The following TRDN variants were observed in gnomAD, a reference collection of about 807,000 sequenced individuals.
TRDN encodes the protein triadin.
TRDN carries 161 observed loss-of-function variants against 149.7 expected under a neutral mutation model. The ratio of observed to expected loss-of-function variants is 1.08; its 90% confidence interval spans 0.95 to 1.23. The LOEUF (loss-of-function observed/expected upper bound fraction) is 1.23. Among genes scored for constraint, TRDN ranks in the 50% most tolerant of loss-of-function variants. The pLI is 0.00. For missense variants in TRDN, 896 were observed against 823.5 expected (o/e 1.09, Z -1.08); for synonymous variants, 294 against 250.5 (o/e 1.17, Z -1.64).
chr6:123,597,021 G>T (rs1784068963), intron 1 of TRDN, among the ~76,000 whole-genome samples: 1 of 151,944 alleles, frequency 6.6e-6, no homozygotes, highest in African/African-American at 2.4e-5. Flanking sequence ...ATACGTTTTT[G>T]TAAAGCTATA....
intron 9 of TRDN, among the ~76,000 whole-genome samples, chr6:123,483,233 G>A (rs1000264537): frequency 6.6e-6 from 1 of 151,588 alleles, no homozygotes; most frequent in African/African-American, 2.4e-5. Flanking sequence ...CTTCCTAGTA[G>A]CTGGGACTAC....
Position 123,398,162 on chromosome 6 carries a change from G to A in TRDN, c.1052-4485C>T, listed in dbSNP as rs150160907. On this transcript the variant is annotated intron_variant, in intron 12 of 40. Transcript: ENST00000334268. ...CGGGATTACAGGCGTCCGCCACTGC[G>A]CCCAGCTAATTTTTTTCTATTTTCA... 8.0e-3 allele frequency among the ~76,000 whole-genome samples: 1,217 copies of A among 152,224 alleles called. 10 individuals carry two copies. Among genetic ancestry groups the A allele is most frequent in the Non-Finnish European group, 0.012 (813 of 68,000 alleles).
At chr6:123,346,321 T>C (rs898649324) in intron 21 of TRDN, among the ~76,000 whole-genome samples, 2 of 152,120 alleles carry the variant, frequency 1.3e-5, no homozygotes, top group Non-Finnish European at 2.9e-5. Flanking sequence ...GTTGATGTTA[T>C]TGATTACTTA....
At chr6:123,298,124 A>G (rs1024915222) in intron 24 of TRDN, among the ~76,000 whole-genome samples, 2 of 152,088 alleles carry the variant, frequency 1.3e-5, no homozygotes, top group African/African-American at 4.8e-5. Flanking sequence ...CAGATAATAT[A>G]TTGAGCATTA....
intron 24 of TRDN, among the ~76,000 whole-genome samples, chr6:123,284,754 G>C (rs542712213): frequency 6.6e-6 from 1 of 151,688 alleles, no homozygotes; most frequent in African/African-American, 2.4e-5. Context: ...ATAATTATAC[G>C]CCCAGAAAAC....
At chr6:123,266,395 TATGTATTATATATAATATATAGATTATG>T (rs1776978536) in intron 32 of TRDN, among the ~76,000 whole-genome samples, 1 of 108,014 alleles carries the variant, frequency 9.3e-6, no homozygotes, top group African/African-American at 4.1e-5. Flanking sequence ...TATATTATGA[TATGTATTATATATAATATATAGATTATG>T]ATATGTATTA....
chr6:123,321,760 T>C (rs1779252176), intron 23 of TRDN, among the ~76,000 whole-genome samples: 1 of 151,828 alleles, frequency 6.6e-6, no homozygotes, highest in East Asian at 1.9e-4. Context: ...TAAATAAGTC[T>C]TAAGAGGAAT....
At chr6:123,629,053 C>A (rs1162917337) in intron 1 of TRDN, among the ~76,000 whole-genome samples, 1 of 152,014 alleles carries the variant, frequency 6.6e-6, no homozygotes, top group Non-Finnish European at 1.5e-5. Context: ...TTCCCCTAGT[C>A]AATAATATAT....
intron 24 of TRDN, among the ~76,000 whole-genome samples, chr6:123,304,966 TTTC>T (rs1778555769): frequency 6.6e-6 from 1 of 152,186 alleles, no homozygotes; most frequent in Admixed American, 6.6e-5. Context: ...TAAAAACATT[TTTC>T]TTCTTATTTA....
chr6:123,269,338 T>G (rs1476290812), intron 31 of TRDN, among the ~76,000 whole-genome samples: 1 of 152,046 alleles, frequency 6.6e-6, no homozygotes, highest in East Asian at 1.9e-4. Flanking sequence ...TAAATGGATT[T>G]CTAAATGCCA....
intron 26 of TRDN, among the ~76,000 whole-genome samples, chr6:123,276,133 C>T (rs996312218): frequency 1.3e-5 from 2 of 152,056 alleles, no homozygotes; most frequent in African/African-American, 4.8e-5. Flanking sequence ...GCCTAATCAC[C>T]TCTTCAAGGC....
chr6:123,527,528 T>C (rs1477109108), intron 5 of TRDN, among the ~76,000 whole-genome samples: 1 of 151,940 alleles, frequency 6.6e-6, no homozygotes, highest in Non-Finnish European at 1.5e-5. Context: ...ATCACCCTAA[T>C]GTGGAATCAG....
chr6:123,409,543 A>G (rs530553018), intron 12 of TRDN, among the ~76,000 whole-genome samples: 1 of 152,222 alleles, frequency 6.6e-6, no homozygotes, highest in Non-Finnish European at 1.5e-5. Flanking sequence ...AAAGGTATTC[A>G]TTCTTCCTAC....
chr6:123,473,173 C>T (rs1022603294), intron 9 of TRDN, among the ~76,000 whole-genome samples: 26 of 151,986 alleles, frequency 1.7e-4, no homozygotes, highest in Non-Finnish European at 1.3e-4. Context: ...TCAAACCAAA[C>T]GCAAAGAAGT....
chr6:123,253,645 C>G (rs992856659), intron 37 of TRDN, among the ~76,000 whole-genome samples: 1 of 151,956 alleles, frequency 6.6e-6, no homozygotes, highest in Non-Finnish European at 1.5e-5. Context: ...AAGAATATGC[C>G]TGCTCTCAAT....
At chr6:123,287,963 A>G (rs1777859865) in intron 24 of TRDN, among the ~76,000 whole-genome samples, 4 of 151,970 alleles carry the variant, frequency 2.6e-5, no homozygotes, top group South Asian at 2.1e-4. Flanking sequence ...TATATTTTCT[A>G]TATTTTCCAA....
intron 12 of TRDN, chr6:123,421,540 T>G (rs1462882413): frequency 6.6e-6 from 1 of 152,156 alleles, no homozygotes; most frequent in Non-Finnish European, 1.5e-5. Context: ...CGACCTGAAC[T>G]TTTCCTCATC....
intron 21 of TRDN, chr6:123,351,511 G>A (rs3850235): frequency 0.91 from 892,513 of 981,806 alleles, 405,793 homozygotes; most frequent in East Asian, 0.99. Context: ...CCAGAAGCCA[G>A]AATAAATTGG....
chr6:123,278,236 G>A lies in TRDN; in HGVS notation c.1567+82C>T, dbSNP rs1022354029. The A allele has an allele frequency of 1.2e-5, 11 of 952,026 alleles. No homozygotes were observed. The East Asian group carries it at 3.8e-4, about 33-fold the overall frequency. The allele number at this position is 952,026 out of a possible 1,614,324, so 59.0% of individuals were successfully genotyped here. On this transcript the variant is annotated intron_variant, in intron 26 of 40. Transcript: ENST00000334268. The stretch of plus-strand genomic sequence containing the variant: ...AAAATTTGATAAAATATTTGTACTA[G>A]GACATGACATTTGCAAAGAGATATT...
Sources: gnomAD v4.1 joint callset for allele counts (sites outside exome capture counted in the v4.1 genomes callset) on GRCh38, gnomAD v4.1.1 for gene constraint, MANE v1.5 for transcripts, NCBI Gene and HGNC (gene_info 2026-07-23, HGNC 2026-07-21) for gene names.